NPSR1: variants seen among roughly 807,000 people sequenced by gnomAD.
NPSR1 encodes the protein neuropeptide S receptor 1, also known as neuropeptide S receptor.
NPSR1 carries 48 observed loss-of-function variants against 46.9 expected under a neutral mutation model. That is an observed-to-expected ratio of 1.02 (90% CI 0.81 to 1.30). The LOEUF (loss-of-function observed/expected upper bound fraction) is 1.30, where lower values mean the gene tolerates loss of function less well. NPSR1 is among the 50% of genes most tolerant of loss of function. NPSR1 has a pLI of 0.00. For synonymous variants in NPSR1, 176 were observed against 168.1 expected, an observed-to-expected ratio of 1.05 and a Z score of -0.36; for missense variants, 450 against 449.5, an observed-to-expected ratio of 1.00 and a Z score of -0.01.
intron 2 of NPSR1, chr7:34,711,107 T>G: frequency 3.3e-6 from 1 of 305,544 alleles, no homozygotes; most frequent in African/African-American, 2.2e-5. Context: ...TTGTCAGATC[T>G]TCAATGGAAG....
intron 3 of NPSR1, among the ~76,000 whole-genome samples, chr7:34,796,974 A>C (rs960112211): frequency 1.3e-4 from 20 of 152,212 alleles, no homozygotes; most frequent in African/African-American, 4.8e-4. Flanking sequence ...ACATCCATAC[A>C]ATGAAATATT....
chr7:34,825,147 G>A (rs573731056), intron 4 of NPSR1, among the ~76,000 whole-genome samples: 28 of 152,172 alleles, frequency 1.8e-4, no homozygotes, highest in African/African-American at 6.0e-4. Context: ...TTTTCCTACC[G>A]TTCTAGACCA....
intron 2 of NPSR1, chr7:34,719,917 CT>C (rs1783765495): frequency 6.6e-6 from 1 of 151,954 alleles, no homozygotes; most frequent in East Asian, 1.9e-4. Context: ...GCAGATGGAG[CT>C]GCATTAGGAA....
At chr7:34,757,645 C>T (rs1003676186) in intron 2 of NPSR1, among the ~76,000 whole-genome samples, 2 of 152,174 alleles carry the variant, frequency 1.3e-5, no homozygotes, top group African/African-American at 4.8e-5. Context: ...CACTGACCCC[C>T]CAGTTTCTGC....
chr7:34,738,058 G>A (rs1209075892), intron 2 of NPSR1, among the ~76,000 whole-genome samples: 1 of 152,154 alleles, frequency 6.6e-6, no homozygotes, highest in Non-Finnish European at 1.5e-5. Context: ...TTGAACGAAA[G>A]GATAAATAAA....
chr7:34,792,735 T>A (rs1321380400), intron 3 of NPSR1, among the ~76,000 whole-genome samples: 2 of 66,448 alleles, frequency 3.0e-5, no homozygotes, highest in Non-Finnish European at 6.7e-5. Flanking sequence ...ATATATATAT[T>A]AGCCAGGCAT....
At chr7:34,703,425 T>C (rs1414009383) in intron 2 of NPSR1, among the ~76,000 whole-genome samples, 6 of 151,912 alleles carry the variant, frequency 3.9e-5, no homozygotes, top group Non-Finnish European at 8.8e-5. Context: ...TTTTTCACTT[T>C]AGCCAGCGCA....
intron 2 of NPSR1, among the ~76,000 whole-genome samples, chr7:34,763,303 G>A (rs998924584): frequency 6.6e-6 from 1 of 152,004 alleles, no homozygotes; most frequent in African/African-American, 2.4e-5. Flanking sequence ...TTCATTGAAC[G>A]AGATGATTAA....
intron 1 of NPSR1, 80 bp downstream of exon 1, chr7:34,658,639 C>G (rs2530550): frequency 0.36 from 491,898 of 1,375,462 alleles, 91,009 homozygotes; most frequent in African/African-American, 0.46. Context: ...ATTGAAGTAT[C>G]ATAGCCAGTA....
Position 34,848,480 on chromosome 7 carries a change from C to G in NPSR1, c.845-3C>G, listed in dbSNP as rs1303139558. Reference sequence around the variant, plus strand: ...TGATGCTAATGGCTCTCTTCTCCCCCAGCCTTCATCTGCTGTTGGAGTCCA... The same window carrying G: ...TGATGCTAATGGCTCTCTTCTCCCCGAGCCTTCATCTGCTGTTGGAGTCCA... On this transcript the variant is annotated splice_polypyrimidine_tract_variant and splice_region_variant and intron_variant, in intron 7 of 8. Transcript: ENST00000360581. 1 of 1,613,844 alleles carries G rather than the reference C, an allele frequency of 6.2e-7. No homozygotes were observed. The highest frequency in any genetic ancestry group is 1.1e-5 in the South Asian group (1 of 91,026).
chr7:34,755,130 G>T (rs1436987075), intron 2 of NPSR1, among the ~76,000 whole-genome samples: 6 of 152,078 alleles, frequency 3.9e-5, no homozygotes, highest in African/African-American at 1.2e-4. Flanking sequence ...TTTTCTCTTG[G>T]GTATGTAACT....
intron 2 of NPSR1, among the ~76,000 whole-genome samples, chr7:34,706,095 T>G (rs1048220185): frequency 2.6e-5 from 4 of 152,108 alleles, no homozygotes. Context: ...TTCTGGTATT[T>G]TGTGTTACCA....
chr7:34,805,009 T>C (rs1252337936), intron 3 of NPSR1, among the ~76,000 whole-genome samples: 1 of 150,868 alleles, frequency 6.6e-6, no homozygotes, highest in Non-Finnish European at 1.5e-5. Flanking sequence ...TGAAGACGAC[T>C]ACAAAACTGA....
chr7:34,671,594 G>A (rs549512831), intron 1 of NPSR1, among the ~76,000 whole-genome samples: 1 of 152,162 alleles, frequency 6.6e-6, no homozygotes, highest in Non-Finnish European at 1.5e-5. Flanking sequence ...CTGGCTGTAT[G>A]AATTGAGTGC....
At chr7:34,756,853 G>A (rs566105019) in intron 2 of NPSR1, among the ~76,000 whole-genome samples, 1 of 152,318 alleles carries the variant, frequency 6.6e-6, no homozygotes, top group East Asian at 1.9e-4. Context: ...GAGCAGAGCA[G>A]GTGCCATGCA....
At position 34,684,700 on chromosome 7, in the gene NPSR1, AG is replaced by A. The variant is rs1251196016; in HGVS notation, c.280+17del. 3 of 1,593,354 alleles carry A rather than the reference AG, an allele frequency of 1.9e-6. No homozygotes were observed. The highest frequency in any genetic ancestry group is 1.4e-5 in the African/African-American group (1 of 73,718). On this transcript the variant is annotated intron_variant, in intron 2 of 8. Transcript: ENST00000360581. ...GCCATCACAGGTAAGTAACTATGCA[AG>A]TGAGAGGCAGGAAGCTATATGTGAA...
intron 2 of NPSR1, among the ~76,000 whole-genome samples, chr7:34,749,581 G>A (rs1785400073): frequency 6.6e-6 from 1 of 152,192 alleles, no homozygotes; most frequent in African/African-American, 2.4e-5. Context: ...CTATATCATA[G>A]GCCAAGCCCA....
intron 2 of NPSR1, among the ~76,000 whole-genome samples, chr7:34,702,316 C>T (rs1461043657): frequency 1.3e-5 from 2 of 152,124 alleles, no homozygotes; most frequent in African/African-American, 4.8e-5. Flanking sequence ...TCAATGGTAA[C>T]GTCTAAGTGA....
chr7:34,707,217 G>A (rs1794156688), intron 2 of NPSR1, among the ~76,000 whole-genome samples: 1 of 152,060 alleles, frequency 6.6e-6, no homozygotes. Context: ...ATGATCTTTA[G>A]GAAGCCAGAA....
Sources: gnomAD v4.1 joint callset for allele counts (sites outside exome capture counted in the v4.1 genomes callset) on GRCh38, gnomAD v4.1.1 for gene constraint, MANE v1.5 for transcripts, NCBI Gene and HGNC (gene_info 2026-07-23, HGNC 2026-07-21) for gene names.